The following GMFG variants were observed in gnomAD, a reference collection of about 807,000 sequenced individuals.
GMFG encodes the protein glia maturation factor gamma.
GMFG carries 21 observed loss-of-function variants against 26.1 expected under a neutral mutation model. That is an observed-to-expected ratio of 0.80 (90% CI 0.57 to 1.16). The LOEUF is 1.16. Among genes scored for constraint, GMFG ranks in the 50% most tolerant of loss-of-function variants. The pLI, the probability that GMFG is intolerant of heterozygous loss-of-function variation, is 0.00. For missense variants in GMFG, 161 were observed against 178.3 expected (o/e 0.90, Z 0.55); for synonymous variants, 65 against 60.8 (o/e 1.07, Z -0.32).
intron 4 of GMFG, among the ~76,000 whole-genome samples, chr19:39,331,347 C>G (rs140276417): frequency 6.6e-6 from 1 of 152,304 alleles, no homozygotes; most frequent in Non-Finnish European, 1.5e-5. Context: ...AACAGAAATT[C>G]AAAGATAAAA....
intron 5 of GMFG, among the ~76,000 whole-genome samples, 183 bp from the exon 6 acceptor site, chr19:39,329,256 G>C (rs1176447218): frequency 6.6e-6 from 1 of 152,178 alleles, no homozygotes; most frequent in Non-Finnish European, 1.5e-5. Flanking sequence ...AGGGTCTCTG[G>C]AGATGATTTA....
chr19:39,331,655 G>A (rs2145053283), intron 4 of GMFG, among the ~76,000 whole-genome samples: 1 of 152,236 alleles, frequency 6.6e-6, no homozygotes, highest in East Asian at 1.9e-4. Flanking sequence ...AGTGCCTGTA[G>A]TCCCAGTTAC....
chr19:39,329,568 A>C lies in GMFG; in HGVS notation c.259T>G (p.Cys87Gly), dbSNP rs2145050655. ...CCCACAGGGCTGGAGAAGATGAAACACAAAGGGTAGGACACTCGGCCATCG... is the reference window on the plus strand; with the variant it reads ...CCCACAGGGCTGGAGAAGATGAAACCCAAAGGGTAGGACACTCGGCCATCG... ...HDDGRVSYPL[C>G]FIFSSPVGCK... The change falls in exon 5 of 7, where the codon TGT becomes GGT. Residue 87 changes from cysteine to glycine, a missense_variant. Physicochemically the swap from Cys to Gly is radical, Grantham distance 159. Transcript: ENST00000597595. 6.2e-7 allele frequency: 1 copy of C among 1,608,996 alleles called. No homozygotes were observed. Among genetic ancestry groups the C allele is most frequent in the Middle Eastern group, 1.7e-4 (1 of 6,060 alleles).
chr19:39,334,824 G>C (rs1568334327), intron 3 of GMFG, among the ~76,000 whole-genome samples: 3 of 152,086 alleles, frequency 2.0e-5, no homozygotes, highest in Admixed American at 2.0e-4. Context: ...GCTAGAACTT[G>C]ATCTCCAGGG....
At chr19:39,333,964 G>A (rs1472596048) in intron 3 of GMFG, among the ~76,000 whole-genome samples, 3 of 150,780 alleles carry the variant, frequency 2.0e-5, no homozygotes, top group African/African-American at 7.3e-5. Flanking sequence ...AAGACAGTGA[G>A]GCCACCAGGG....
intron 3 of GMFG, among the ~76,000 whole-genome samples, chr19:39,334,382 C>T (rs1215198791): frequency 1.3e-5 from 2 of 152,008 alleles, no homozygotes; most frequent in African/African-American, 4.8e-5. Context: ...ACCCTCCCAC[C>T]TCAGCCTCCT....
intron 4 of GMFG, among the ~76,000 whole-genome samples, chr19:39,330,913 T>A (rs936762133): frequency 1.3e-5 from 2 of 151,754 alleles, no homozygotes; most frequent in Admixed American, 6.6e-5. Flanking sequence ...TTTTAAAAAA[T>A]TTTAGTAGAA....
chr19:39,335,704 C>G, intron 1 of GMFG, 173 bp from the exon 2 acceptor site: 1 of 643,536 alleles, frequency 1.6e-6, no homozygotes, highest in Non-Finnish European at 2.8e-6. Flanking sequence ...CTCACCAGGG[C>G]ACTCAGCTTG....
At chr19:39,329,430 G>A in intron 5 of GMFG, 114 bp downstream of exon 5, 1 of 700,200 alleles carries the variant, frequency 1.4e-6, no homozygotes, top group Non-Finnish European at 2.6e-6. Context: ...TCACACACAG[G>A]CTGTCACATG....
At chr19:39,331,013 C>T (rs1292882585) in intron 4 of GMFG, among the ~76,000 whole-genome samples, 1 of 152,190 alleles carries the variant, frequency 6.6e-6, no homozygotes, top group Non-Finnish European at 1.5e-5. Context: ...GCTGAGATTA[C>T]AGGTGTGAGC....
chr19:39,335,181 G>C, intron 3 of GMFG, 80 bp downstream of exon 3: 2 of 1,103,828 alleles, frequency 1.8e-6, no homozygotes, highest in Non-Finnish European at 1.3e-6. Flanking sequence ...CCCATGCCAG[G>C]CTCTTCATAT....
In GMFG at chr19:39,335,539, A is replaced by G; in HGVS notation, c.4-8T>C. The G allele has an allele frequency of 6.3e-7, 1 of 1,598,178 alleles. No individual in the cohort carries two copies. The highest frequency in any genetic ancestry group is 8.6e-7 in the Non-Finnish European group (1 of 1,165,480). The stretch of plus-strand genomic sequence containing the variant: ...CACCACCAGGGAGTCAGACTGCCGG[A>G]GGGACCCAGGAAGAGCTGAAATGGC... On this transcript the variant is annotated splice_region_variant and splice_polypyrimidine_tract_variant and intron_variant, in intron 1 of 6. Transcript: ENST00000597595.
intron 3 of GMFG, among the ~76,000 whole-genome samples, chr19:39,334,953 G>A (rs920200488): frequency 6.6e-6 from 1 of 151,972 alleles, no homozygotes; most frequent in African/African-American, 2.4e-5. Flanking sequence ...GGGTTCCAGC[G>A]ATTCTCCTGC....
chr19:39,328,673 G>T, intron 6 of GMFG, 125 bp from the exon 7 acceptor site: 1 of 711,366 alleles, frequency 1.4e-6, no homozygotes, highest in Non-Finnish European at 2.5e-6. Context: ...AAGGTCAGGA[G>T]TTCGAGACCA....
intron 3 of GMFG, among the ~76,000 whole-genome samples, chr19:39,333,519 G>A (rs765795760): frequency 1.4e-4 from 21 of 149,900 alleles, no homozygotes; most frequent in Non-Finnish European, 2.4e-4. Context: ...GGCGGAGGTT[G>A]CAGTGAATCA....
intron 4 of GMFG, among the ~76,000 whole-genome samples, chr19:39,331,109 G>T (rs2075224636): frequency 6.6e-6 from 1 of 152,134 alleles, no homozygotes; most frequent in African/African-American, 2.4e-5. Context: ...GAGTGCAGAT[G>T]CTCACAGGAA....
At chr19:39,329,851 G>T (rs2075219491) in intron 4 of GMFG, among the ~76,000 whole-genome samples, 1 of 152,094 alleles carries the variant, frequency 6.6e-6, no homozygotes, top group African/African-American at 2.4e-5. Flanking sequence ...GGCCGAGGCG[G>T]GTGGATCACC....
In GMFG at chr19:39,332,415, G is replaced by A. The variant is rs972080173; in HGVS notation, c.200+662C>T. On this transcript the variant is annotated intron_variant, in intron 4 of 6. Coordinates refer to ENST00000597595, the MANE Select transcript of GMFG (RefSeq NM_004877.4). ...ACTCCTGGCCTCAGGTGATCCTCCC[G>A]CCTCAGGCTCCCAAAGGGCTGAGAT... Among the ~76,000 whole-genome samples the A allele has an allele frequency of 5.3e-5, 8 of 150,760 alleles. No homozygotes were observed. In the South Asian group the frequency reaches 6.3e-4, roughly 12 times the overall value.
rs867802150 is a variant in GMFG at position 39,328,999 on chromosome 19, C to T, written c.357+1G>A. 1 of 1,609,282 alleles carries T rather than the reference C, an allele frequency of 6.2e-7. No homozygotes were observed. The highest frequency in any genetic ancestry group is 8.5e-7 in the Non-Finnish European group (1 of 1,175,532). ...CTCTGGAGCCCCATCCCAGTCTGAACCTTTGTGAGCTCTGCTGTCTGCACC... is the reference window on the plus strand; with the variant it reads ...CTCTGGAGCCCCATCCCAGTCTGAATCTTTGTGAGCTCTGCTGTCTGCACC... On this transcript the variant is annotated splice_donor_variant, in intron 6 of 6. Coordinates refer to ENST00000597595, the MANE Select transcript of GMFG (RefSeq NM_004877.4). LOFTEE classifies it high-confidence loss of function.
Sources: allele counts gnomAD v4.1 joint callset (sites outside exome capture counted in the v4.1 genomes callset), GRCh38; gene constraint gnomAD v4.1.1; transcripts MANE v1.5; gene names NCBI Gene and HGNC (gene_info 2026-07-23, HGNC 2026-07-21).